The following GBGT1 variants were observed in gnomAD, a reference collection of about 807,000 sequenced individuals.
The protein encoded by GBGT1 is globoside alpha-1,3-N-acetylgalactosaminyltransferase 1.
In GBGT1, 18 loss-of-function variants were observed where a neutral mutation model predicts 20.9. The ratio of observed to expected loss-of-function variants is 0.86; its 90% CI spans 0.60 to 1.28. The LOEUF (loss-of-function observed/expected upper bound fraction) is 1.28, where lower values mean the gene tolerates loss of function less well. Ranked by LOEUF, GBGT1 falls within the 50% of genes most tolerant of loss-of-function variation. The pLI, the probability that GBGT1 is intolerant of heterozygous loss-of-function variation, is 0.00. For synonymous variants in GBGT1, 168 were observed against 180.8 expected (o/e 0.93, Z 0.57); for missense variants, 432 against 455.7 (o/e 0.95, Z 0.47).
At position 133,155,468 on chromosome 9, in the gene GBGT1, C is replaced by A. The variant is rs1325023788; in HGVS notation, c.225-156G>T. On this transcript the variant is annotated intron_variant, in intron 5 of 6. Coordinates refer to ENST00000372040, the MANE Select transcript of GBGT1 (RefSeq NM_021996.6). ...TGGAAAGTGGGGATAATGATAGCCACCTCCCAGCAGGGTTGGGAGTACCAG... is the reference window on the plus strand; with the variant it reads ...TGGAAAGTGGGGATAATGATAGCCAACTCCCAGCAGGGTTGGGAGTACCAG... The A allele has an allele frequency of 3.7e-6, 3 of 808,398 alleles. No homozygotes were observed. The South Asian group carries it at 5.2e-5, about 14-fold the overall frequency. The allele number at this position is 808,398 out of a possible 1,614,324, so 50.1% of individuals were successfully genotyped here.
At chr9:133,156,298 C>T (rs1832867619) in intron 3 of GBGT1, among the ~76,000 whole-genome samples, 1 of 152,168 alleles carries the variant, frequency 6.6e-6, no homozygotes, top group African/African-American at 2.4e-5. Context: ...GATTCGAACC[C>T]AGTGCCGCTT....
intron 3 of GBGT1, among the ~76,000 whole-genome samples, chr9:133,156,999 G>A (rs921792640): frequency 6.6e-6 from 1 of 152,134 alleles, no homozygotes; most frequent in Non-Finnish European, 1.5e-5. Flanking sequence ...GAACAGAACT[G>A]GTGGCCAGCC....
intron 3 of GBGT1, among the ~76,000 whole-genome samples, chr9:133,157,918 G>T (rs778378183): frequency 1.3e-5 from 2 of 152,170 alleles, no homozygotes; most frequent in Non-Finnish European, 2.9e-5. Context: ...AGGCCAAAGC[G>T]GGCAGATCAC....
intron 3 of GBGT1, among the ~76,000 whole-genome samples, chr9:133,160,668 A>G (rs557043939): frequency 1.2e-4 from 18 of 152,234 alleles, no homozygotes; most frequent in African/African-American, 4.1e-4. Context: ...GGTGGTGGGA[A>G]AGAGAGAGAG....
chr9:133,160,784 T>C (rs1369622233), intron 3 of GBGT1, among the ~76,000 whole-genome samples: 1 of 151,888 alleles, frequency 6.6e-6, no homozygotes, highest in Non-Finnish European at 1.5e-5. Context: ...CTGAGGCAGG[T>C]GGAACACTTG....
chr9:133,163,657 ACCTCCTGGGCTCAGGGCCCT>A (rs1833126881), intron 1 of GBGT1, 77 bp downstream of exon 1: 1 of 152,278 alleles, frequency 6.6e-6, no homozygotes, highest in South Asian at 2.0e-4. Context: ...CGAGATGCGC[ACCTCCTGGGCTCAGGGCCCT>A]CCTCCTTGGC....
In GBGT1 at chr9:133,162,408, T is replaced by C; in HGVS notation, c.5A>G (p.His2Arg). Residue 2 changes from histidine to arginine, a missense_variant, in exon 2 of 7, where the codon CAT becomes CGT. Physicochemically the swap from His to Arg is conservative, Grantham distance 29 (BLOSUM62 0). Coordinates refer to ENST00000372040, the MANE Select transcript of GBGT1 (RefSeq NM_021996.6). The part of the protein sequence containing the change: M[H>R]RRRLALGLGF... ...CAGACCCAGGGCCAGTCTCCGGCGA[T>C]GCATTGCTGGGGGCTGCACCTGAGC... 1 of 1,605,468 alleles carries C rather than the reference T, an allele frequency of 6.2e-7. No individual in the cohort carries two copies. The highest frequency in any genetic ancestry group is 1.1e-5 in the South Asian group (1 of 88,816).
Position 133,154,073 on chromosome 9 carries a change from C to T in GBGT1, c.548G>A (p.Arg183Gln), listed in dbSNP as rs567017454. Residue 183 changes from arginine (R) to glutamine (Q), a missense_variant, in exon 7 of 7, where the codon CGG becomes CAG. Physicochemically the swap from Arg to Gln is conservative, Grantham distance 43 (BLOSUM62 1). Coordinates refer to ENST00000372040, the MANE Select transcript of GBGT1 (RefSeq NM_021996.6). The surrounding 1 kb of genome is among the most constrained non-coding windows in gnomAD (Gnocchi z 4.2). The stretch of plus-strand genomic sequence containing the variant: ...AATGTGCTGGCTGATGGTCTCCATC[C>T]GGCGCATGGATGTCTCCTCCCAGTG... ...HSHWEETSMR[R>Q]METISQHIAK... 102 of 1,613,456 alleles carry T rather than the reference C, an allele frequency of 6.3e-5. No homozygotes were observed. The highest frequency in any genetic ancestry group is 1.7e-4 in the Middle Eastern group (1 of 6,060).
In GBGT1 at chr9:133,154,225, G is replaced by A. The variant is rs767596461; in HGVS notation, c.396C>T (p.Ala132=). Residue 132 remains alanine (A), a synonymous_variant, in exon 7 of 7, where the codon GCC becomes GCT. Coordinates refer to ENST00000372040, the MANE Select transcript of GBGT1 (RefSeq NM_021996.6). This position sits in a 1 kb window ranked among gnomAD's most constrained non-coding sequence, Gnocchi z 4.2. ...THFIQSFLES[A]EEFFMRGYRV... Reference sequence around the variant, plus strand: ...GGTACCCACGCATGAAGAACTCCTCGGCTGACTCCAGGAAGGACTGGATGA... The same window carrying A: ...GGTACCCACGCATGAAGAACTCCTCAGCTGACTCCAGGAAGGACTGGATGA... 16 of 1,541,534 alleles carry A rather than the reference G, an allele frequency of 1.0e-5. No individual in the cohort carries two copies. Among genetic ancestry groups the A allele is most frequent in the South Asian group, 8.7e-5 (7 of 80,908 alleles).
chr9:133,158,957 C>T (rs1430194809), intron 3 of GBGT1, among the ~76,000 whole-genome samples: 3 of 149,648 alleles, frequency 2.0e-5, no homozygotes, highest in Non-Finnish European at 4.5e-5. Flanking sequence ...TTAGTAGCTA[C>T]TTTTTTTTTT....
intron 3 of GBGT1, among the ~76,000 whole-genome samples, chr9:133,156,668 A>C (rs1319922771): frequency 6.6e-6 from 1 of 151,580 alleles, no homozygotes; most frequent in Non-Finnish European, 1.5e-5. Context: ...TCAAAAAAAA[A>C]AAGGAAGAAA....
intron 3 of GBGT1, 55 bp from the exon 4 acceptor site, chr9:133,156,120 C>T: frequency 1.2e-6 from 2 of 1,601,280 alleles, no homozygotes; most frequent in Non-Finnish European, 1.7e-6. Flanking sequence ...CAGAGACACT[C>T]AGCACAGGAA....
At chr9:133,161,012 G>GA (rs10537325) in intron 3 of GBGT1, 21,748 of 335,116 alleles carry the variant, frequency 0.065, 6 homozygotes, top group Middle Eastern at 0.083. Context: ...TCTGACTCAA[G>GA]AAAAAAAAAA....
rs573844819 is a variant in GBGT1 at position 133,157,868 on chromosome 9, C to T, written c.138-1803G>A. ...AGGTGCAGAGAAGGGAAAGACCGGC[C>T]GGGCGTGGTGGCTCATGCCTGTAAT... On this transcript the variant is annotated intron_variant, in intron 3 of 6. Transcript: ENST00000372040. Among the ~76,000 whole-genome samples the T allele has an allele frequency of 7.9e-5, 12 of 152,286 alleles. No homozygotes were observed. The East Asian group carries it at 1.5e-3, about 20-fold the overall frequency.
Position 133,153,869 on chromosome 9 carries a change from ACAAAGG to A in GBGT1, c.746_751del (p.Ala249_Phe250del), listed in dbSNP as rs1564261398. ...ATAGAAGTCCCCTTCGCTGTCTGCC[ACAAAGG>A]CAGTGGAAACACGCCTGCGCTCATA... On this transcript the variant is annotated inframe_deletion, in exon 7 of 7. Transcript: ENST00000372040. 6.2e-7 allele frequency: 1 copy of A among 1,601,792 alleles called. No homozygotes were observed. The highest frequency in any genetic ancestry group is 2.2e-5 in the East Asian group (1 of 44,610).
At position 133,154,709 on chromosome 9, in the gene GBGT1, A is replaced by G; in HGVS notation, c.360-448T>C. On this transcript the variant is annotated intron_variant, in intron 6 of 6. Coordinates refer to ENST00000372040, the MANE Select transcript of GBGT1 (RefSeq NM_021996.6). The surrounding 1 kb of genome is among the most constrained non-coding windows in gnomAD (Gnocchi z 4.2). ...GTGTGGTTGACACAGCCCTGCCCCC[A>G]GGCCAAAACTCATTGGACAAGGGGG... is the stretch of plus-strand genomic sequence containing the variant. 5.7e-6 allele frequency: 1 copy of G among 174,710 alleles called. No homozygotes were observed. Among genetic ancestry groups the G allele is most frequent in the Non-Finnish European group, 1.2e-5 (1 of 82,962 alleles). The allele number at this position is 174,710 out of a possible 1,614,324, so 10.8% of individuals were successfully genotyped here.
At chr9:133,156,094 A>C in intron 3 of GBGT1, 29 bp from the exon 4 acceptor site, 1 of 1,613,064 alleles carries the variant, frequency 6.2e-7, no homozygotes, top group Non-Finnish European at 8.5e-7. Flanking sequence ...AAGAGCCATC[A>C]TCATGGGTCT....
intron 3 of GBGT1, 77 bp from the exon 4 acceptor site, chr9:133,156,142 C>T (rs750985768): frequency 2.6e-5 from 40 of 1,546,360 alleles, no homozygotes; most frequent in Non-Finnish European, 3.5e-5. Context: ...AAGGAGGAGT[C>T]AGAGGCCCCT....
Position 133,158,093 on chromosome 9 carries a change from C to T in GBGT1, c.138-2028G>A, listed in dbSNP as rs58251380. 2.7e-3 allele frequency among the ~76,000 whole-genome samples: 405 copies of T among 151,886 alleles called. 1 individual carries two copies. The highest frequency in any genetic ancestry group is 9.3e-3 in the African/African-American group (385 of 41,422). ...CCGGGAGGCTGAGGGTGCAGTGAGC[C>T]GAGATCCCGCCACTGCACTCCAGCC... On this transcript the variant is annotated intron_variant, in intron 3 of 6. Coordinates refer to ENST00000372040, the MANE Select transcript of GBGT1 (RefSeq NM_021996.6).
Sources: allele counts gnomAD v4.1 joint callset (sites outside exome capture counted in the v4.1 genomes callset), GRCh38; gene constraint gnomAD v4.1.1; non-coding constraint Gnocchi (gnomAD v3.1); transcripts MANE v1.5; gene names NCBI Gene and HGNC (gene_info 2026-07-23, HGNC 2026-07-21).